The following MAN2A1 variants were observed in gnomAD, a reference collection of about 807,000 sequenced individuals.
MAN2A1 encodes the protein alpha-mannosidase 2.
In MAN2A1, 76 loss-of-function variants were observed where a neutral mutation model predicts 142.6. The observed-to-expected ratio is 0.53, with a 90% CI of 0.44 to 0.65. The LOEUF is 0.65. Ranked by LOEUF, MAN2A1 falls within the 30% of genes least tolerant of loss-of-function variation. The pLI is 0.00. For missense variants in MAN2A1, 1,311 were observed against 1,365.1 expected, an observed-to-expected ratio of 0.96 and a Z score of 0.62; for synonymous variants, 559 against 473.2, an observed-to-expected ratio of 1.18 and a Z score of -2.35.
chr5:109,735,818 A>T (rs1430255823), intron 4 of MAN2A1, among the ~76,000 whole-genome samples: 1 of 150,618 alleles, frequency 6.6e-6, no homozygotes, highest in Non-Finnish European at 1.5e-5. Flanking sequence ...TTTGATGAAA[A>T]TTGATGTAAA....
At chr5:109,836,385 G>A (rs184360775) in intron 16 of MAN2A1, among the ~76,000 whole-genome samples, 182 of 151,180 alleles carry the variant, frequency 1.2e-3, no homozygotes, top group Middle Eastern at 0.01. Flanking sequence ...CAAAGTACTG[G>A]AATTACAGGC....
intron 4 of MAN2A1, among the ~76,000 whole-genome samples, chr5:109,734,963 C>T (rs1752043372): frequency 6.6e-6 from 1 of 152,168 alleles, no homozygotes; most frequent in South Asian, 2.1e-4. Context: ...CTAATGTTGA[C>T]AGTGGGGTGT....
At chr5:109,863,626 A>C (rs1035865166) in intron 20 of MAN2A1, 3 of 152,236 alleles carry the variant, frequency 2.0e-5, no homozygotes, top group African/African-American at 7.2e-5. Flanking sequence ...TTTTACAGGC[A>C]AGAAAATAGA....
chr5:109,755,045 TA>T (rs1283032888), intron 4 of MAN2A1, among the ~76,000 whole-genome samples: 1 of 152,130 alleles, frequency 6.6e-6, no homozygotes, highest in East Asian at 1.9e-4. Context: ...CTTTTGACAT[TA>T]AGAATCTTTG....
intron 12 of MAN2A1, among the ~76,000 whole-genome samples, chr5:109,800,749 A>G (rs1176154924): frequency 6.6e-6 from 1 of 152,188 alleles, no homozygotes; most frequent in Non-Finnish European, 1.5e-5. Context: ...TATGGAGTAA[A>G]TGAAGATGAC....
Position 109,860,054 on chromosome 5 carries a change from A to G in MAN2A1, c.3171+4720A>G, listed in dbSNP as rs530091897. Among the ~76,000 whole-genome samples the G allele has an allele frequency of 3.2e-4, 48 of 152,212 alleles. 1 individual carries two copies. The South Asian group carries it at 1.0e-2, about 32-fold the overall frequency. On this transcript the variant is annotated intron_variant, in intron 20 of 21. Transcript: ENST00000261483. ...TCAATATCAGCACCACTTACTGAAT[A>G]AGATTTTCTCTCTCCACTTGTTCAT...
At chr5:109,790,865 G>T (rs1271025796) in intron 12 of MAN2A1, among the ~76,000 whole-genome samples, 1 of 152,010 alleles carries the variant, frequency 6.6e-6, no homozygotes, top group East Asian at 1.9e-4. Context: ...GTGCAGTGAG[G>T]CAGGGCTGGA....
intron 7 of MAN2A1, among the ~76,000 whole-genome samples, chr5:109,772,420 C>CT (rs1753173730): frequency 6.6e-6 from 1 of 152,192 alleles, no homozygotes; most frequent in Non-Finnish European, 1.5e-5. Flanking sequence ...GTTAACTCTA[C>CT]TGGTTACCTC....
intron 16 of MAN2A1, among the ~76,000 whole-genome samples, chr5:109,832,485 T>C (rs1754938659): frequency 6.6e-6 from 1 of 152,030 alleles, no homozygotes; most frequent in African/African-American, 2.4e-5. Context: ...GAGCAAGGGG[T>C]TGGGGGTAAG....
rs369776819 is a variant in MAN2A1, at chr5:109,819,712, A to G, written c.2153A>G (p.Tyr718Cys). Reference sequence around the variant, plus strand: ...ATACCGCCATTGGGACTGAAAGTGTATAAGATTTTGGAATCAGCAAGTTCA... The same window carrying G: ...ATACCGCCATTGGGACTGAAAGTGTGTAAGATTTTGGAATCAGCAAGTTCA... ...AHIPPLGLKV[Y>C]KILESASSNS... The change falls in exon 14 of 22, where the codon TAT becomes TGT. Residue 718 changes from tyrosine to cysteine, a missense_variant. Physicochemically the swap from Tyr to Cys is radical, Grantham distance 194. Transcript: ENST00000261483. 8.7e-6 allele frequency: 14 copies of G among 1,612,040 alleles called. No individual in the cohort carries two copies. Among genetic ancestry groups the G allele is most frequent in the Admixed American group, 3.4e-5 (2 of 59,660 alleles).
At chr5:109,715,438 T>C (rs1000035062) in intron 2 of MAN2A1, among the ~76,000 whole-genome samples, 1 of 152,060 alleles carries the variant, frequency 6.6e-6, no homozygotes, top group African/African-American at 2.4e-5. Context: ...TTAGTTTTTT[T>C]CCCACCGTTT....
intron 4 of MAN2A1, among the ~76,000 whole-genome samples, chr5:109,735,064 G>C (rs745839142): frequency 6.6e-6 from 1 of 152,054 alleles, no homozygotes; most frequent in African/African-American, 2.4e-5. Flanking sequence ...TCCTGTATTG[G>C]GTGCATGTAT....
At chr5:109,744,890 T>G (rs1182163378) in intron 4 of MAN2A1, among the ~76,000 whole-genome samples, 4 of 152,154 alleles carry the variant, frequency 2.6e-5, no homozygotes, top group African/African-American at 9.7e-5. Context: ...GATTAAAAAA[T>G]TGTTGTATAT....
At chr5:109,745,855 G>T (rs1356894200) in intron 4 of MAN2A1, among the ~76,000 whole-genome samples, 1 of 152,198 alleles carries the variant, frequency 6.6e-6, no homozygotes, top group Non-Finnish European at 1.5e-5. Flanking sequence ...GGCCTGAGGT[G>T]ATCCTCCTGC....
chr5:109,843,223 G>C (rs1205051083), intron 17 of MAN2A1, among the ~76,000 whole-genome samples: 2 of 152,168 alleles, frequency 1.3e-5, no homozygotes, highest in Non-Finnish European at 1.5e-5. Flanking sequence ...GGTAGCCTCA[G>C]GAAACTTACA....
In MAN2A1 at chr5:109,715,103, G is replaced by T. The variant is rs556042637; in HGVS notation, c.391-1017G>T. Among the ~76,000 whole-genome samples the T allele has an allele frequency of 2.0e-5, 3 of 152,168 alleles. No individual in the cohort carries two copies. In the South Asian group the frequency reaches 6.2e-4, roughly 32 times the overall value. Reference sequence around the variant, plus strand: ...AGAGCAAGTCAGGAGGGTACTGGGAGAGCTGCAGGACTGAAGGAAGAAACA... The same window carrying T: ...AGAGCAAGTCAGGAGGGTACTGGGATAGCTGCAGGACTGAAGGAAGAAACA... On this transcript the variant is annotated intron_variant, in intron 2 of 21. Coordinates refer to ENST00000261483, the MANE Select transcript of MAN2A1 (RefSeq NM_002372.4).
chr5:109,823,989 C>T, intron 16 of MAN2A1, 152 bp downstream of exon 16: 1 of 497,030 alleles, frequency 2.0e-6, no homozygotes, highest in Non-Finnish European at 3.5e-6. Context: ...ATGAAACTTA[C>T]CCTTTGATAA....
At chr5:109,741,621 TC>T (rs1276550878) in intron 4 of MAN2A1, among the ~76,000 whole-genome samples, 1 of 152,182 alleles carries the variant, frequency 6.6e-6, no homozygotes, top group East Asian at 1.9e-4. Flanking sequence ...GCTTTCATTG[TC>T]CCTGAAGAAT....
intron 8 of MAN2A1, among the ~76,000 whole-genome samples, chr5:109,778,627 A>G (rs1445957348): frequency 6.6e-6 from 1 of 152,012 alleles, no homozygotes; most frequent in Non-Finnish European, 1.5e-5. Context: ...CAATGATTGA[A>G]CCAGTACCCC....
Sources: allele counts gnomAD v4.1 joint callset (sites outside exome capture counted in the v4.1 genomes callset), GRCh38; gene constraint gnomAD v4.1.1; transcripts MANE v1.5; gene names NCBI Gene and HGNC (gene_info 2026-07-23, HGNC 2026-07-21).